PALM2AKAP2: variants seen among roughly 807,000 people sequenced by gnomAD.
PALM2AKAP2 encodes PALM2 and AKAP2 fusion, also known as PALM2-AKAP2 fusion protein.
Under a neutral mutation model 71.5 loss-of-function variants are expected in PALM2AKAP2, and 37 were observed. The ratio of observed to expected loss-of-function variants is 0.52; its 90% CI spans 0.40 to 0.68. PALM2AKAP2 has a LOEUF of 0.68. Among genes scored for constraint, PALM2AKAP2 ranks in the 30% least tolerant of loss-of-function variants. The pLI is 0.00. For missense variants in PALM2AKAP2, 1,224 were observed against 1,191.8 expected (o/e 1.03, Z -0.40); for synonymous variants, 468 against 478.8 (o/e 0.98, Z 0.29).
intron 1 of PALM2AKAP2, among the ~76,000 whole-genome samples, chr9:109,833,297 G>C (rs886644561): frequency 1.2e-4 from 18 of 152,238 alleles, no homozygotes; most frequent in African/African-American, 4.3e-4. Flanking sequence ...GGAAGTTGCA[G>C]TAAGCCGGGA....
chr9:110,017,393 T>A (rs1385083736), intron 7 of PALM2AKAP2, among the ~76,000 whole-genome samples: 2 of 152,356 alleles, frequency 1.3e-5, no homozygotes, highest in East Asian at 3.9e-4. Context: ...AACTATCCAG[T>A]GCTGAAAGAA....
chr9:109,861,382 A>G (rs9299176), intron 1 of PALM2AKAP2, among the ~76,000 whole-genome samples: 26,295 of 152,154 alleles, frequency 0.17, 2,443 homozygotes, highest in South Asian at 0.23. Context: ...ATTGAACAGA[A>G]TGTGCTTCAT....
At chr9:109,678,524 C>T (rs1827680556) in intron 1 of PALM2AKAP2, among the ~76,000 whole-genome samples, 1 of 152,142 alleles carries the variant, frequency 6.6e-6, no homozygotes, top group South Asian at 2.1e-4. Context: ...GTGAGCGAAG[C>T]AAAGCACTTG....
At chr9:110,044,739 C>T (rs958060751), upstream of PALM2AKAP2, among the ~76,000 whole-genome samples, 10 of 151,886 alleles carry the variant, frequency 6.6e-5, no homozygotes, top group African/African-American at 2.2e-4. Flanking sequence ...GAATTACTCC[C>T]AGCTGATACT....
At chr9:109,792,960 T>G (rs1169861986) in intron 1 of PALM2AKAP2, among the ~76,000 whole-genome samples, 2 of 152,218 alleles carry the variant, frequency 1.3e-5, no homozygotes, top group African/African-American at 4.8e-5. Flanking sequence ...CACATTCTCA[T>G]GTAAGTTCAA....
intron 3 of PALM2AKAP2, among the ~76,000 whole-genome samples, chr9:109,916,923 T>G (rs953417837): frequency 3.9e-5 from 6 of 152,226 alleles, no homozygotes; most frequent in Non-Finnish European, 5.9e-5. Context: ...CCCCCAGAGA[T>G]GTCCACAGGC....
chr9:110,119,242 C>T (rs1484801552), intron 1 of PALM2AKAP2, among the ~76,000 whole-genome samples: 2 of 149,560 alleles, frequency 1.3e-5, no homozygotes, highest in African/African-American at 4.9e-5. Context: ...GCTCGGGAGG[C>T]TGAAGCAGGA....
intron 1 of PALM2AKAP2, among the ~76,000 whole-genome samples, chr9:109,741,649 T>A (rs1298342917): frequency 1.3e-5 from 2 of 152,226 alleles, no homozygotes; most frequent in East Asian, 3.8e-4. Flanking sequence ...TGTTTGTTTT[T>A]GTTCTAATCA....
At chr9:109,999,301 G>C (rs2132268937) in intron 6 of PALM2AKAP2, among the ~76,000 whole-genome samples, 1 of 151,602 alleles carries the variant, frequency 6.6e-6, no homozygotes, top group South Asian at 2.1e-4. Flanking sequence ...ATCACACCAA[G>C]ATCACACCAC....
intron 6 of PALM2AKAP2, among the ~76,000 whole-genome samples, chr9:110,011,548 C>G (rs1299563917): frequency 1.3e-5 from 2 of 152,136 alleles, no homozygotes; most frequent in Admixed American, 6.5e-5. Context: ...ACCCACTGGT[C>G]CAATGCATTA....
intron 1 of PALM2AKAP2, among the ~76,000 whole-genome samples, chr9:109,816,541 G>A (rs572237632): frequency 6.6e-6 from 1 of 152,334 alleles, no homozygotes; most frequent in South Asian, 2.1e-4. Context: ...GATGAGGCCA[G>A]ATTTCAGCCC....
At chr9:109,931,145 C>T (rs1273145591) in intron 5 of PALM2AKAP2, among the ~76,000 whole-genome samples, 3 of 152,186 alleles carry the variant, frequency 2.0e-5, no homozygotes, top group African/African-American at 4.8e-5. Flanking sequence ...CTTGTCTTAC[C>T]TCAGGGGTTT....
At position 110,142,819 on chromosome 9, in the gene PALM2AKAP2, T is replaced by C. The variant is rs186916580; in HGVS notation, c.2569+4280T>C. Among the ~76,000 whole-genome samples the C allele has an allele frequency of 3.3e-5, 5 of 152,322 alleles. No individual in the cohort carries two copies. The East Asian group carries it at 9.6e-4, about 29-fold the overall frequency. On this transcript the variant is annotated intron_variant, in intron 2 of 3. Transcript: ENST00000374525. ...TGGAGCCAGACAACCAAGAGCTCTATCAATCATGTTAAGGGTTGTAGACTT... is the reference window on the plus strand; with the variant it reads ...TGGAGCCAGACAACCAAGAGCTCTACCAATCATGTTAAGGGTTGTAGACTT...
intron 1 of PALM2AKAP2, among the ~76,000 whole-genome samples, chr9:109,771,609 A>C (rs1316854030): frequency 6.6e-6 from 1 of 152,236 alleles, no homozygotes; most frequent in Non-Finnish European, 1.5e-5. Flanking sequence ...CCTGTTCTAC[A>C]GAAAGGTCTT....
intron 1 of PALM2AKAP2, among the ~76,000 whole-genome samples, chr9:109,687,936 G>A (rs2118536581): frequency 6.6e-6 from 1 of 152,266 alleles, no homozygotes; most frequent in African/African-American, 2.4e-5. Flanking sequence ...TGTGTCTCAG[G>A]AAATAGAGAG....
intron 6 of PALM2AKAP2, among the ~76,000 whole-genome samples, chr9:110,001,518 A>G (rs1832681094): frequency 6.6e-6 from 1 of 152,166 alleles, no homozygotes; most frequent in Non-Finnish European, 1.5e-5. Context: ...GTTCCATATG[A>G]ACTTTAAAGT....
chr9:110,088,308 G>A (rs965611549), intron 1 of PALM2AKAP2, among the ~76,000 whole-genome samples: 2 of 152,156 alleles, frequency 1.3e-5, no homozygotes, highest in Non-Finnish European at 2.9e-5. Context: ...AGAGGCTGAA[G>A]TTACAAAGCT....
chr9:109,967,937 T>C (rs1482956867), intron 6 of PALM2AKAP2, among the ~76,000 whole-genome samples: 1 of 152,194 alleles, frequency 6.6e-6, no homozygotes, highest in African/African-American at 2.4e-5. Flanking sequence ...TGAGTATCTA[T>C]CTCTCACACC....
chr9:110,080,629 C>T (rs1036367873), intron 1 of PALM2AKAP2, among the ~76,000 whole-genome samples: 7 of 152,128 alleles, frequency 4.6e-5, no homozygotes, highest in African/African-American at 1.4e-4. Flanking sequence ...AAGCTGTGCC[C>T]ATTGTTAACT....
Sources: allele counts gnomAD v4.1 joint callset (sites outside exome capture counted in the v4.1 genomes callset), GRCh38; gene constraint gnomAD v4.1.1; transcripts MANE v1.5; gene names NCBI Gene and HGNC (gene_info 2026-07-23, HGNC 2026-07-21).